The following CLEC9A variants were observed in gnomAD, a reference collection of about 807,000 sequenced individuals.
CLEC9A encodes C-type lectin domain containing 9A.
In CLEC9A, 24 loss-of-function variants were observed where a neutral mutation model predicts 30.0. The ratio of observed to expected loss-of-function variants is 0.80; its 90% CI spans 0.58 to 1.13. The LOEUF is 1.13. Among genes scored for constraint, CLEC9A ranks in the 50% most tolerant of loss-of-function variants. The probability of loss-of-function intolerance (pLI) is 0.00; values close to 1 mark genes in which losing one functional copy is unlikely to be tolerated. For synonymous variants in CLEC9A, 111 were observed against 96.8 expected, an observed-to-expected ratio of 1.15 and a Z score of -0.86; for missense variants, 251 against 280.9, an observed-to-expected ratio of 0.89 and a Z score of 0.76.
In CLEC9A at chr12:10,052,788, T is replaced by C. The variant is rs1865906033; in HGVS notation, c.91+10T>C. 6.2e-7 allele frequency: 1 copy of C among 1,612,594 alleles called. No homozygotes were observed. Among genetic ancestry groups the C allele is most frequent in the Non-Finnish European group, 8.5e-7 (1 of 1,179,416 alleles). ...TCCAACAAATGTTCAGGTAACCAGT[T>C]CTAACTATTTTGTGTGAGACTTTAG... On this transcript the variant is annotated intron_variant, in intron 4 of 8. Coordinates refer to ENST00000355819, the MANE Select transcript of CLEC9A (RefSeq NM_207345.4).
At chr12:10,064,245 T>C (rs1866022912) in intron 7 of CLEC9A, among the ~76,000 whole-genome samples, 1 of 152,182 alleles carries the variant, frequency 6.6e-6, no homozygotes, top group Non-Finnish European at 1.5e-5. Context: ...ATTACAGTTG[T>C]AGGTGCAAAA....
chr12:10,055,216 T>C (rs966807731), intron 5 of CLEC9A, among the ~76,000 whole-genome samples: 2 of 152,228 alleles, frequency 1.3e-5, no homozygotes, highest in African/African-American at 4.8e-5. Context: ...ATGTTAGAAC[T>C]TCAAGACAGC....
intron 4 of CLEC9A, 97 bp from the exon 5 acceptor site, chr12:10,054,174 G>C: frequency 1.0e-6 from 1 of 975,212 alleles, no homozygotes; most frequent in Admixed American, 2.2e-5. Flanking sequence ...AAATGCCAAT[G>C]TTAATTCCTT....
chr12:10,044,688 A>T (rs916100834), intron 2 of CLEC9A, among the ~76,000 whole-genome samples: 1 of 152,202 alleles, frequency 6.6e-6, no homozygotes, highest in Non-Finnish European at 1.5e-5. Context: ...CCTTCAGCCC[A>T]CATCCACACA....
chr12:10,040,339 T>C (rs1331647476), intron 1 of CLEC9A, among the ~76,000 whole-genome samples: 1 of 152,214 alleles, frequency 6.6e-6, no homozygotes, highest in Non-Finnish European at 1.5e-5. Flanking sequence ...AGTTCACTTA[T>C]TAACCCTCAG....
chr12:10,035,508 C>A (rs1389801844), intron 1 of CLEC9A, among the ~76,000 whole-genome samples: 2 of 152,224 alleles, frequency 1.3e-5, no homozygotes, highest in African/African-American at 4.8e-5. Context: ...TACTATGAAT[C>A]CTCAATTCAA....
chr12:10,046,099 T>A (rs1204027199), intron 2 of CLEC9A, among the ~76,000 whole-genome samples: 1 of 152,226 alleles, frequency 6.6e-6, no homozygotes, highest in Non-Finnish European at 1.5e-5. Flanking sequence ...TAAAGTACAA[T>A]CATGAACAAG....
At chr12:10,048,030 G>A (rs1332128781) in intron 2 of CLEC9A, among the ~76,000 whole-genome samples, 1 of 151,560 alleles carries the variant, frequency 6.6e-6, no homozygotes, top group Admixed American at 6.6e-5. Context: ...TCAGGAGATC[G>A]AGACCATCCT....
At chr12:10,040,320 C>T (rs935132004) in intron 1 of CLEC9A, among the ~76,000 whole-genome samples, 1 of 152,062 alleles carries the variant, frequency 6.6e-6, no homozygotes, top group African/African-American at 2.4e-5. Flanking sequence ...GTGATTGTCT[C>T]CTTCAAACAG....
chr12:10,062,681 A>G (rs984193540), intron 6 of CLEC9A, among the ~76,000 whole-genome samples: 2 of 152,214 alleles, frequency 1.3e-5, no homozygotes, highest in African/African-American at 4.8e-5. Context: ...ATTTCTGGCT[A>G]AATTGGGGCA....
chr12:10,065,423 A>G (rs2137317267), intron 8 of CLEC9A, 77 bp from the exon 9 acceptor site: 1 of 1,551,494 alleles, frequency 6.4e-7, no homozygotes, highest in South Asian at 1.2e-5. Context: ...GCAGCTACAC[A>G]CCTCTCATTA....
intron 1 of CLEC9A, among the ~76,000 whole-genome samples, chr12:10,035,059 A>T (rs1865731976): frequency 6.6e-6 from 1 of 152,132 alleles, no homozygotes; most frequent in Non-Finnish European, 1.5e-5. Context: ...GAGTCTGGCC[A>T]CTCAGTGGCC....
At chr12:10,060,856 G>T in intron 5 of CLEC9A, 1 of 309,812 alleles carries the variant, frequency 3.2e-6, no homozygotes, top group Non-Finnish European at 5.9e-6. Flanking sequence ...ATATTCAAAA[G>T]CTCCCAAATA....
intron 2 of CLEC9A, among the ~76,000 whole-genome samples, chr12:10,047,853 C>T (rs990477666): frequency 6.6e-6 from 1 of 152,166 alleles, no homozygotes; most frequent in Non-Finnish European, 1.5e-5. Context: ...GGTAGAGGGT[C>T]GTGCCTTGAC....
chr12:10,034,089 T>C (rs1254073280), intron 1 of CLEC9A, among the ~76,000 whole-genome samples: 1 of 152,224 alleles, frequency 6.6e-6, no homozygotes, highest in Admixed American at 6.5e-5. Flanking sequence ...TGAATTAAAA[T>C]GAAGCACTGT....
intron 5 of CLEC9A, among the ~76,000 whole-genome samples, chr12:10,057,241 A>G (rs1865951255): frequency 6.6e-6 from 1 of 152,002 alleles, no homozygotes; most frequent in Non-Finnish European, 1.5e-5. Context: ...TAAATATTCC[A>G]TTTTGATTAT....
intron 6 of CLEC9A, among the ~76,000 whole-genome samples, chr12:10,062,605 G>T (rs576830937): frequency 4.1e-4 from 62 of 152,174 alleles, no homozygotes; most frequent in Non-Finnish European, 5.9e-4. Flanking sequence ...ATATTTCCTT[G>T]TTTAGCTCTC....
At chr12:10,060,092 T>C (rs1384353796) in intron 5 of CLEC9A, among the ~76,000 whole-genome samples, 1 of 152,224 alleles carries the variant, frequency 6.6e-6, no homozygotes, top group African/African-American at 2.4e-5. Flanking sequence ...GATCACTCAC[T>C]CATTCCTGGT....
At chr12:10,040,053 C>T (rs980357262) in intron 1 of CLEC9A, among the ~76,000 whole-genome samples, 8 of 152,176 alleles carry the variant, frequency 5.3e-5, no homozygotes, top group Non-Finnish European at 8.8e-5. Context: ...GAACTCCTGG[C>T]CTCAAGTGAT....
Sources: allele counts gnomAD v4.1 joint callset (sites outside exome capture counted in the v4.1 genomes callset), GRCh38; gene constraint gnomAD v4.1.1; transcripts MANE v1.5; gene names NCBI Gene and HGNC (gene_info 2026-07-23, HGNC 2026-07-21).